TRRAP: variants seen among roughly 807,000 people sequenced by gnomAD.
The protein encoded by TRRAP is transformation/transcription domain associated protein.
A neutral mutation model predicts 438.8 loss-of-function variants in TRRAP; 41 were observed. The observed-to-expected ratio is 0.09, with a 90% CI of 0.07 to 0.12. The LOEUF is 0.12. Among genes scored for constraint, TRRAP ranks in the 10% least tolerant of loss-of-function variants. The pLI, the probability that TRRAP is intolerant of heterozygous loss-of-function variation, is 1.00. For missense variants in TRRAP, 3,122 were observed against 5,055.1 expected, an observed-to-expected ratio of 0.62 and a Z score of 11.60; for synonymous variants, 1,994 against 1,962.9, an observed-to-expected ratio of 1.02 and a Z score of -0.42.
chr7:99,005,052 G>A lies in TRRAP; in HGVS notation c.10536-79G>A. ...CAGTCCGTTTTCCCGTGACAGTTCG[G>A]ACATTCCTAGCTTCTTCTCAAGACA... On this transcript the variant is annotated intron_variant, in intron 68 of 72. Transcript: ENST00000456197. The surrounding 1 kb of genome is among the most constrained non-coding windows in gnomAD (Gnocchi z 5.1). 1 of 1,454,830 alleles carries A rather than the reference G, an allele frequency of 6.9e-7. No individual in the cohort carries two copies. Among genetic ancestry groups the A allele is most frequent in the Non-Finnish European group, 9.6e-7 (1 of 1,046,538 alleles). 90.1% of individuals were successfully genotyped at this position (1,454,830 alleles called of 1,614,324 possible).
chr7:98,908,979 G>C lies in TRRAP; in HGVS notation c.1350+17G>C. On this transcript the variant is annotated intron_variant, in intron 14 of 72. Coordinates refer to ENST00000456197, the MANE Select transcript of TRRAP (RefSeq NM_001375524.1). This position sits in a 1 kb window ranked among gnomAD's most constrained non-coding sequence, Gnocchi z 4.1. ...ATGCTGGAGGTACCAGCTCTTCTGA[G>C]AGTATCATCCATCCTGCACTCTATC... 6.3e-7 allele frequency: 1 copy of C among 1,595,368 alleles called. No homozygotes were observed. Among genetic ancestry groups the C allele is most frequent in the Non-Finnish European group, 8.6e-7 (1 of 1,165,864 alleles).
Position 98,921,882 on chromosome 7 carries a change from G to A in TRRAP, c.2752G>A (p.Glu918Lys), listed in dbSNP as rs782412390. ...GCAGAAGCTGCACTACGTTGTGACC[G>A]AGGTTCAGGGCCCCAGCATCACTGT... ...ESQKLHYVVT[E>K]VQGPSITVEF... The change falls in exon 21 of 73, where the codon GAG (glutamate) becomes AAG (lysine). Residue 918 changes from glutamate to lysine, a missense_variant. Physicochemically the swap from Glu to Lys is moderately conservative, Grantham distance 56. Around this residue, in one of 24 missense-constraint regions of TRRAP, gnomAD observed 133 missense variants for 188.6 expected, o/e 0.71. Transcript: ENST00000456197. The A allele has an allele frequency of 1.7e-5, 27 of 1,614,220 alleles. No homozygotes were observed. Among genetic ancestry groups the A allele is most frequent in the East Asian group, 2.2e-5 (1 of 44,886 alleles).
At chr7:98,989,449 C>T (rs1661565288) in intron 63 of TRRAP, among the ~76,000 whole-genome samples, 1 of 152,264 alleles carries the variant, frequency 6.6e-6, no homozygotes, top group Non-Finnish European at 1.5e-5. Context: ...GCACTTGACA[C>T]TCAGGTTCCC....
chr7:98,932,173 G>T (rs1180778940), intron 26 of TRRAP, among the ~76,000 whole-genome samples: 1 of 151,930 alleles, frequency 6.6e-6, no homozygotes, highest in Non-Finnish European at 1.5e-5. Context: ...GAGTGCAGTG[G>T]CATGATCTTG....
At chr7:98,971,207 CTT>C (rs1327365214) in intron 52 of TRRAP, among the ~76,000 whole-genome samples, 3 of 152,086 alleles carry the variant, frequency 2.0e-5, no homozygotes, top group Non-Finnish European at 4.4e-5. Context: ...GTCATTTGGT[CTT>C]TTCTTTCTGT....
intron 41 of TRRAP, among the ~76,000 whole-genome samples, chr7:98,955,528 A>T (rs1422327222): frequency 2.0e-5 from 3 of 152,154 alleles, no homozygotes; most frequent in Non-Finnish European, 2.9e-5. Flanking sequence ...GTCTGAGGCT[A>T]CATTTCTGTT....
chr7:98,998,837 C>A, intron 67 of TRRAP: 1 of 289,606 alleles, frequency 3.5e-6, no homozygotes. Context: ...CTTGTCTTGG[C>A]CTCATCTGCT....
intron 1 of TRRAP, among the ~76,000 whole-genome samples, chr7:98,880,011 T>C (rs1337707710): frequency 6.6e-6 from 1 of 152,168 alleles, no homozygotes; most frequent in Non-Finnish European, 1.5e-5. Context: ...GTGACACCTG[T>C]TAAAATAGAA....
At chr7:98,950,388 G>A (rs1244506254) in intron 38 of TRRAP, 126 bp downstream of exon 38, 21 of 1,144,328 alleles carry the variant, frequency 1.8e-5, no homozygotes, top group Non-Finnish European at 2.6e-5. Context: ...CAGGTGCTGT[G>A]GCATGTGCCT....
chr7:98,945,836 G>C (rs781970070), intron 32 of TRRAP, 36 bp downstream of exon 32: 2 of 1,587,538 alleles, frequency 1.3e-6, no homozygotes, highest in Non-Finnish European at 1.7e-6. Context: ...TTTCTGACTT[G>C]CAATGTGAAG....
Position 98,908,648 on chromosome 7 carries a change from A to G in TRRAP, c.1116-80A>G, listed in dbSNP as rs1796903552. ...GACCCAGGGGTGGTGTTCCTGGGGC[A>G]GATGGTGATATCCTTGGTGGCCTGC... On this transcript the variant is annotated intron_variant, in intron 13 of 72. Transcript: ENST00000456197. This position sits in a 1 kb window ranked among gnomAD's most constrained non-coding sequence, Gnocchi z 4.1. The G allele has an allele frequency of 3.8e-6, 5 of 1,306,122 alleles. No individual in the cohort carries two copies. The Admixed American group carries it at 8.0e-5, about 21-fold the overall frequency. 80.9% of individuals were successfully genotyped at this position (1,306,122 alleles called of 1,614,324 possible).
rs882395 is a variant in TRRAP at position 98,907,669 on chromosome 7, G to A, written c.1116-1059G>A. On this transcript the variant is annotated intron_variant, in intron 13 of 72. Coordinates refer to ENST00000456197, the MANE Select transcript of TRRAP (RefSeq NM_001375524.1). ...TTGACCATAGCATTTGAGTCTCTGC[G>A]TGATTTGGCTCTGTCCACCTGTTCT... Among the ~76,000 whole-genome samples the A allele has an allele frequency of 1.7e-3, 265 of 152,280 alleles. 2 individuals carry two copies. The highest frequency in any genetic ancestry group is 6.0e-3 in the African/African-American group (251 of 41,572).
intron 3 of TRRAP, among the ~76,000 whole-genome samples, chr7:98,885,101 AT>A (rs1795637773): frequency 6.6e-6 from 1 of 151,916 alleles, no homozygotes. Flanking sequence ...CACGTTTCCG[AT>A]TTTTATTGTT....
At chr7:98,936,564 C>G (rs1232944903) in intron 28 of TRRAP, among the ~76,000 whole-genome samples, 2 of 152,180 alleles carry the variant, frequency 1.3e-5, no homozygotes, top group Non-Finnish European at 2.9e-5. Context: ...CTTTTACCCT[C>G]AAAGCTGGGT....
chr7:98,910,176 C>T lies in TRRAP; in HGVS notation c.1471C>T (p.Pro491Ser), dbSNP rs782093854. Residue 491 changes from proline to serine, a missense_variant, in exon 15 of 73, where the codon CCT becomes TCT. Around this residue, in one of 24 missense-constraint regions of TRRAP, gnomAD observed 115 missense variants for 124.6 expected, o/e 0.92. Transcript: ENST00000456197. ...EAALPGVPTA[P>S]AAPGPAPSPA... The stretch of plus-strand genomic sequence containing the variant: ...AGCTCTGCCTGGGGTGCCCACTGCC[C>T]CTGCAGCTCCTGGCCCTGCTCCCTC... 28 of 1,610,780 alleles carry T rather than the reference C, an allele frequency of 1.7e-5. No individual in the cohort carries two copies. The African/African-American group carries it at 3.6e-4, about 21-fold the overall frequency.
At chr7:98,941,783 C>T (rs1028451235) in intron 30 of TRRAP, among the ~76,000 whole-genome samples, 3 of 152,108 alleles carry the variant, frequency 2.0e-5, no homozygotes, top group Admixed American at 1.3e-4. Flanking sequence ...ACTGACTCCG[C>T]ACGATGTCGG....
In TRRAP at chr7:98,906,994, C is replaced by T. The variant is rs183318160; in HGVS notation, c.1115+739C>T. Among the ~76,000 whole-genome samples the T allele has an allele frequency of 3.8e-3, 572 of 151,098 alleles. 4 individuals carry two copies. Among genetic ancestry groups the T allele is most frequent in the Non-Finnish European group, 5.3e-3 (358 of 67,870 alleles). The stretch of plus-strand genomic sequence containing the variant: ...TGTTGCTAATATCTTAATGTATGTC[C>T]GTATAATCTTTGTTTCTTACACTTA... On this transcript the variant is annotated intron_variant, in intron 13 of 72. Transcript: ENST00000456197.
chr7:98,996,258 C>T (rs932575814), intron 67 of TRRAP, among the ~76,000 whole-genome samples: 1 of 152,330 alleles, frequency 6.6e-6, no homozygotes, highest in East Asian at 1.9e-4. Context: ...CACCGCGGTG[C>T]GCACAGGCAC....
In TRRAP at chr7:98,911,564, G is replaced by C. The variant is rs368571120; in HGVS notation, c.2007+293G>C. ...GGGGATTGCTTGAGCCCAGGAGTTT[G>C]AGATCAGCCTGGGCAACAATGGTGA... is the stretch of plus-strand genomic sequence containing the variant. On this transcript the variant is annotated intron_variant, in intron 17 of 72. Coordinates refer to ENST00000456197, the MANE Select transcript of TRRAP (RefSeq NM_001375524.1). Among the ~76,000 whole-genome samples, 4 of 152,108 alleles carry C rather than the reference G, an allele frequency of 2.6e-5. No homozygotes were observed. The East Asian group carries it at 5.8e-4, about 22-fold the overall frequency.
Sources: gnomAD v4.1 joint callset for allele counts (sites outside exome capture counted in the v4.1 genomes callset) on GRCh38, gnomAD v4.1.1 for gene constraint, gnomAD v4.1.1 regional missense constraint, Gnocchi (gnomAD v3.1) non-coding constraint, MANE v1.5 for transcripts, NCBI Gene and HGNC (gene_info 2026-07-23, HGNC 2026-07-21) for gene names.